PGBD2: variants seen among roughly 807,000 people sequenced by gnomAD.
PGBD2 encodes the protein piggyBac transposable element derived 2, also known as piggyBac transposable element-derived protein 2.
A neutral mutation model predicts 8.1 loss-of-function variants in PGBD2; 6 were observed. The observed-to-expected ratio is 0.74, with a 90% confidence interval of 0.40 to 1.46. The LOEUF (loss-of-function observed/expected upper bound fraction) is 1.46, where lower values mean the gene tolerates loss of function less well. Ranked by LOEUF, PGBD2 falls within the 40% of genes most tolerant of loss-of-function variation. PGBD2 has a pLI of 0.02. For missense variants in PGBD2, 802 were observed against 739.0 expected (o/e 1.09, Z -0.99); for synonymous variants, 318 against 272.2 (o/e 1.17, Z -1.66).
At chr1:248,911,745 G>A in intron 1 of PGBD2, among the ~76,000 whole-genome samples, 1 of 150,912 alleles carries the variant, frequency 6.6e-6, no homozygotes, top group Non-Finnish European at 1.5e-5. Flanking sequence ...GCCGGGCGGG[G>A]GGCTGACCCC....
rs1241988710 is a variant in PGBD2 at position 248,917,243 on chromosome 1, G to T, written c.659G>T (p.Arg220Ile). The T allele has an allele frequency of 1.2e-6, 2 of 1,614,174 alleles. No individual in the cohort carries two copies. Among genetic ancestry groups the T allele is most frequent in the South Asian group, 1.1e-5 (1 of 91,086 alleles). Residue 220 changes from arginine to isoleucine, a missense_variant, in exon 3 of 3, where the codon AGA becomes ATA. Arg to Ile is a moderately conservative substitution (Grantham distance 97). Coordinates refer to ENST00000329291, the MANE Select transcript of PGBD2 (RefSeq NM_170725.3). ...GTGGCTGATGCAATTAGAAGGGACA[G>T]ATTTGAACTAATCTTCTCATACTTA... ...HLVADAIRRD[R>I]FELIFSYLHF...
At chr1:248,914,650 A>C in intron 2 of PGBD2, 4 of 1,245,648 alleles carry the variant, frequency 3.2e-6, no homozygotes, top group Non-Finnish European at 4.2e-6. Flanking sequence ...GCAAAGGGGC[A>C]CAGGGAAGCT....
At position 248,917,668 on chromosome 1, in the gene PGBD2, A is replaced by G. The variant is rs1305194692; in HGVS notation, c.1084A>G (p.Ile362Val). 3 of 1,614,228 alleles carry G rather than the reference A, an allele frequency of 1.9e-6. No individual in the cohort carries two copies. The highest frequency in any genetic ancestry group is 2.2e-5 in the South Asian group (2 of 91,084). The change falls in exon 3 of 3, where the codon ATT becomes GTT. Residue 362 changes from isoleucine (I) to valine (V), a missense_variant. Coordinates refer to ENST00000329291, the MANE Select transcript of PGBD2 (RefSeq NM_170725.3). ...KVFTSVKLMSILRKKGVKATG... is the reference protein window; with the variant it reads ...KVFTSVKLMSVLRKKGVKATG... The stretch of plus-strand genomic sequence containing the variant: ...TTTCACAAGTGTTAAACTGATGTCC[A>G]TTTTGAGGAAAAAGGGGGTGAAAGC...
chr1:248,876,344 T>C, the PGBD2 span, among the ~76,000 whole-genome samples: 2 of 152,308 alleles, frequency 1.3e-5, no homozygotes, highest in South Asian at 4.1e-4. Flanking sequence ...TTGACTGTCC[T>C]AGGTGTTGAT....
intron 2 of PGBD2, 62 bp from the exon 3 acceptor site, chr1:248,916,540 T>C: frequency 2.0e-6 from 3 of 1,465,992 alleles, no homozygotes; most frequent in Non-Finnish European, 2.8e-6. Context: ...CCCTCCTCTT[T>C]TCTGCTGAAG....
At chr1:248,883,799 A>G in the PGBD2 span, among the ~76,000 whole-genome samples, 21 of 150,962 alleles carry the variant, frequency 1.4e-4, no homozygotes, top group Admixed American at 4.6e-4. Flanking sequence ...GGGTTTCACC[A>G]TGTTAGCCAG....
At chr1:248,899,582 A>G in the PGBD2 span, among the ~76,000 whole-genome samples, 1 of 152,130 alleles carries the variant, frequency 6.6e-6, no homozygotes, top group Non-Finnish European at 1.5e-5. Flanking sequence ...TCTGGAATGC[A>G]GCGAAAGCAG....
chr1:248,915,345 A>G (rs539074166), intron 2 of PGBD2, among the ~76,000 whole-genome samples: 1 of 152,342 alleles, frequency 6.6e-6, no homozygotes, highest in South Asian at 2.1e-4. Context: ...TTCTGTAGAA[A>G]CTGTACTTTC....
chr1:248,914,113 C>T (rs1662008943), intron 2 of PGBD2, among the ~76,000 whole-genome samples: 1 of 152,182 alleles, frequency 6.6e-6, no homozygotes, highest in African/African-American at 2.4e-5. Context: ...CGATAGAAAA[C>T]CATGACTTCA....
chr1:248,923,676 A>G (rs1359428462), downstream of PGBD2, among the ~76,000 whole-genome samples: 2 of 152,250 alleles, frequency 1.3e-5, no homozygotes, highest in Non-Finnish European at 2.9e-5. Flanking sequence ...TCTATCTTAG[A>G]ACTTTCTTTT....
the PGBD2 span, among the ~76,000 whole-genome samples, chr1:248,898,667 C>G: frequency 2.6e-5 from 4 of 152,170 alleles, no homozygotes; most frequent in Non-Finnish European, 5.9e-5. Context: ...CTGAAGTACA[C>G]AGACCAACAA....
downstream of PGBD2, among the ~76,000 whole-genome samples, chr1:248,921,844 C>T (rs1319353400): frequency 6.6e-6 from 1 of 152,098 alleles, no homozygotes; most frequent in Non-Finnish European, 1.5e-5. Context: ...TTGAAGAGGT[C>T]CTTGACATCC....
downstream of PGBD2, chr1:248,919,583 T>C (rs1662241504): frequency 6.0e-6 from 1 of 167,076 alleles, no homozygotes. Flanking sequence ...ATACTGATTT[T>C]TTTTTCTTTT....
chr1:248,913,733 T>C, intron 1 of PGBD2, 83 bp from the exon 2 acceptor site: 1 of 762,470 alleles, frequency 1.3e-6, no homozygotes, highest in African/African-American at 1.7e-5. Context: ...AAATATATTT[T>C]TCCCTTAAAT....
chr1:248,919,415 A>C (rs1662237892), downstream of PGBD2: 1 of 166,746 alleles, frequency 6.0e-6, no homozygotes, highest in South Asian at 2.1e-4. Flanking sequence ...CAAATGACTG[A>C]ATATCATTTT....
intron 1 of PGBD2, among the ~76,000 whole-genome samples, chr1:248,910,002 T>G (rs1294456167): frequency 6.6e-6 from 1 of 152,120 alleles, no homozygotes; most frequent in East Asian, 1.9e-4. Flanking sequence ...TGTCAGTCTG[T>G]ATGTTAGCAA....
chr1:248,876,760 G>GTC, the PGBD2 span, among the ~76,000 whole-genome samples: 25 of 152,268 alleles, frequency 1.6e-4, no homozygotes, highest in South Asian at 5.0e-3. Flanking sequence ...ATTGTATGGT[G>GTC]TCTCTACATC....
intron 2 of PGBD2, among the ~76,000 whole-genome samples, chr1:248,914,284 C>G (rs952265100): frequency 6.6e-6 from 1 of 152,188 alleles, no homozygotes; most frequent in East Asian, 1.9e-4. Context: ...TGGTAGAGAC[C>G]TGGAGCTTGC....
upstream of PGBD2, among the ~76,000 whole-genome samples, chr1:248,901,229 T>TA (rs199948733): frequency 5.1e-3 from 769 of 152,084 alleles, 4 homozygotes; most frequent in Middle Eastern, 0.017. Context: ...TTCACAGAAA[T>TA]AAAAAAATAT....
Sources: allele counts gnomAD v4.1 joint callset (sites outside exome capture counted in the v4.1 genomes callset), GRCh38; gene constraint gnomAD v4.1.1; transcripts MANE v1.5; gene names NCBI Gene and HGNC (gene_info 2026-07-23, HGNC 2026-07-21).